Variants in CDC42BPA observed in about 807,000 individuals in gnomAD.
CDC42BPA encodes CDC42 binding protein kinase alpha.
CDC42BPA carries 80 observed loss-of-function variants against 223.5 expected under a neutral mutation model. The observed-to-expected ratio is 0.36, with a 90% confidence interval of 0.30 to 0.43. The LOEUF (loss-of-function observed/expected upper bound fraction) is 0.43. Among genes scored for constraint, CDC42BPA ranks in the 20% least tolerant of loss-of-function variants. The pLI is 1.00. For missense variants in CDC42BPA, 1,743 were observed against 2,099.9 expected, an observed-to-expected ratio of 0.83 and a Z score of 3.32; for synonymous variants, 694 against 718.6, an observed-to-expected ratio of 0.97 and a Z score of 0.55.
chr1:227,237,649 A>C (rs1235083317), intron 2 of CDC42BPA, among the ~76,000 whole-genome samples: 3 of 152,156 alleles, frequency 2.0e-5, no homozygotes, highest in Non-Finnish European at 4.4e-5. Flanking sequence ...TTGAATTTTG[A>C]TCCATCTGTG....
chr1:226,998,766 A>G (rs988279130), intron 35 of CDC42BPA, among the ~76,000 whole-genome samples: 6 of 152,238 alleles, frequency 3.9e-5, no homozygotes, highest in Admixed American at 1.3e-4. Flanking sequence ...CACCAAAAGC[A>G]ATGGCAACAA....
chr1:227,126,460 CAAGA>C (rs1689614328), intron 11 of CDC42BPA, among the ~76,000 whole-genome samples: 3 of 94,358 alleles, frequency 3.2e-5, no homozygotes, highest in African/African-American at 8.5e-5. Flanking sequence ...ACAGGCAGTA[CAAGA>C]AAGGAAGGAA....
chr1:227,107,572 C>T (rs1198660895), intron 14 of CDC42BPA, among the ~76,000 whole-genome samples: 2 of 152,102 alleles, frequency 1.3e-5, no homozygotes, highest in Non-Finnish European at 2.9e-5. Context: ...CAGGTGCCTT[C>T]TCAAAAAAGA....
At chr1:227,231,672 C>T (rs1027721575) in intron 2 of CDC42BPA, among the ~76,000 whole-genome samples, 1 of 151,208 alleles carries the variant, frequency 6.6e-6, no homozygotes, top group African/African-American at 2.4e-5. Context: ...TAATGATTGC[C>T]ATTCTAACTG....
chr1:227,026,379 G>C (rs926556781), intron 30 of CDC42BPA, among the ~76,000 whole-genome samples: 18 of 152,012 alleles, frequency 1.2e-4, no homozygotes, highest in African/African-American at 4.1e-4. Context: ...TAATATAGAC[G>C]GATTCTGTAA....
chr1:227,028,393 G>A (rs1195876756), intron 30 of CDC42BPA, among the ~76,000 whole-genome samples: 1 of 152,176 alleles, frequency 6.6e-6, no homozygotes, highest in Non-Finnish European at 1.5e-5. Context: ...AAAATATGAT[G>A]TGGGGTAAAA....
chr1:227,187,399 G>A (rs1366831659), intron 5 of CDC42BPA, among the ~76,000 whole-genome samples: 4 of 151,154 alleles, frequency 2.6e-5, no homozygotes, highest in Non-Finnish European at 5.9e-5. Context: ...GAGCTCATTA[G>A]TAGACTAGAC....
chr1:227,103,495 G>A (rs931710589), intron 14 of CDC42BPA, among the ~76,000 whole-genome samples: 24 of 152,138 alleles, frequency 1.6e-4, no homozygotes, highest in African/African-American at 5.8e-4. Flanking sequence ...CTAATTAAAA[G>A]TTCTTTATAA....
At chr1:227,012,657 C>T (rs1374371696) in intron 34 of CDC42BPA, among the ~76,000 whole-genome samples, 1 of 152,078 alleles carries the variant, frequency 6.6e-6, no homozygotes, top group Non-Finnish European at 1.5e-5. Context: ...GAATAGATGA[C>T]AACATGTGGC....
intron 17 of CDC42BPA, among the ~76,000 whole-genome samples, chr1:227,074,674 G>A (rs1224264690): frequency 6.6e-6 from 1 of 152,138 alleles, no homozygotes; most frequent in African/African-American, 2.4e-5. Flanking sequence ...AATTAACACA[G>A]ATGCACAAAT....
intron 3 of CDC42BPA, among the ~76,000 whole-genome samples, chr1:227,208,972 T>G (rs2150329843): frequency 6.6e-6 from 1 of 152,178 alleles, no homozygotes; most frequent in African/African-American, 2.4e-5. Context: ...ACGATATTGA[T>G]TCTTCCTACC....
At chr1:227,172,685 G>A (rs1572130392) in intron 5 of CDC42BPA, among the ~76,000 whole-genome samples, 2 of 151,950 alleles carry the variant, frequency 1.3e-5, no homozygotes, top group Admixed American at 6.6e-5. Context: ...GAAACTGGGC[G>A]AAAGGTACAT....
chr1:227,205,283 AATAT>A (rs71180715), intron 3 of CDC42BPA, among the ~76,000 whole-genome samples: 7,867 of 121,822 alleles, frequency 0.065, 303 homozygotes, highest in Non-Finnish European at 0.087. Flanking sequence ...AAAAAAAAAA[AATAT>A]ATATATATAT....
At chr1:227,169,735 CTT>C (rs1458558451) in intron 5 of CDC42BPA, among the ~76,000 whole-genome samples, 2 of 152,192 alleles carry the variant, frequency 1.3e-5, no homozygotes, top group African/African-American at 4.8e-5. Context: ...CCTCCATCTT[CTT>C]TGAGGATGTA....
chr1:227,030,814 A>C (rs10799379), intron 28 of CDC42BPA, among the ~76,000 whole-genome samples: 16,499 of 152,198 alleles, frequency 0.11, 965 homozygotes, highest in African/African-American at 0.15. Context: ...TATTTATGGA[A>C]AGTAACAAAA....
intron 1 of CDC42BPA, chr1:227,264,869 C>A: frequency 6.5e-7 from 1 of 1,530,858 alleles, no homozygotes; most frequent in Non-Finnish European, 9.0e-7. Flanking sequence ...TGGAACTGGA[C>A]CTGAAGAATT....
intron 3 of CDC42BPA, among the ~76,000 whole-genome samples, chr1:227,210,661 A>T (rs1673714925): frequency 6.6e-6 from 1 of 152,228 alleles, no homozygotes; most frequent in Admixed American, 6.5e-5. Flanking sequence ...CTTCATTGAA[A>T]AAAGTATAAA....
chr1:227,033,510 T>G, intron 26 of CDC42BPA, 95 bp from the exon 27 acceptor site: 6 of 709,364 alleles, frequency 8.5e-6, no homozygotes, highest in Non-Finnish European at 1.2e-5. Flanking sequence ...AAAGCTTAAC[T>G]GCACCAAACA....
Position 226,994,677 on chromosome 1 carries a change from C to G in CDC42BPA, c.5133+146G>C. ...TGCAGTTTGCAGCCCGAGTGACTGG[C>G]CTAGCTGCCCGCTGGCCAAGAGTGA... On this transcript the variant is annotated intron_variant, in intron 36 of 36. Coordinates refer to ENST00000366766, the MANE Select transcript of CDC42BPA (RefSeq NM_001394014.1). The surrounding 1 kb of genome is among the most constrained non-coding windows in gnomAD (Gnocchi z 4.0). 1.1e-6 allele frequency: 1 copy of G among 877,168 alleles called. No homozygotes were observed. The highest frequency in any genetic ancestry group is 3.6e-4 in the Middle Eastern group (1 of 2,780). The allele number at this position is 877,168 out of a possible 1,614,324, so 54.3% of individuals were successfully genotyped here.
Sources: gnomAD v4.1 joint callset for allele counts (sites outside exome capture counted in the v4.1 genomes callset) on GRCh38, gnomAD v4.1.1 for gene constraint, Gnocchi (gnomAD v3.1) non-coding constraint, MANE v1.5 for transcripts, NCBI Gene and HGNC (gene_info 2026-07-23, HGNC 2026-07-21) for gene names.